Variants in SRCIN1 observed in about 807,000 individuals in gnomAD.
SRCIN1 encodes SRC kinase signaling inhibitor 1, also known as P130Cas-associated protein.
A neutral mutation model predicts 116.2 loss-of-function variants in SRCIN1; 50 were observed. That is an observed-to-expected ratio of 0.43 (90% CI 0.34 to 0.54). The LOEUF is 0.54. Ranked by LOEUF, SRCIN1 falls within the 20% of genes least tolerant of loss-of-function variation. SRCIN1 has a pLI of 0.02. For synonymous variants in SRCIN1, 736 were observed against 750.0 expected, an observed-to-expected ratio of 0.98 and a Z score of 0.30; for missense variants, 1,446 against 1,672.0, an observed-to-expected ratio of 0.86 and a Z score of 2.36.
At chr17:38,569,086 G>A (rs1906906749) in intron 2 of SRCIN1, among the ~76,000 whole-genome samples, 1 of 152,148 alleles carries the variant, frequency 6.6e-6, no homozygotes, top group Non-Finnish European at 1.5e-5. Flanking sequence ...AAGGGAGTTG[G>A]GGAGACTGGG....
intron 1 of SRCIN1, among the ~76,000 whole-genome samples, chr17:38,603,209 G>C (rs532889592): frequency 2.0e-5 from 3 of 152,182 alleles, no homozygotes; most frequent in African/African-American, 7.2e-5. Context: ...AGGGGGGAGA[G>C]GGGGAGAGAG....
chr17:38,576,101 G>C (rs1361447267), intron 2 of SRCIN1, among the ~76,000 whole-genome samples: 2 of 152,020 alleles, frequency 1.3e-5, no homozygotes, highest in African/African-American at 2.4e-5. Flanking sequence ...AACATAGGAG[G>C]CCCTTAGACA....
Position 38,563,266 on chromosome 17 carries a change from C to T in SRCIN1, c.740+57G>A. 1.9e-6 allele frequency: 3 copies of T among 1,543,598 alleles called. No homozygotes were observed. In the African/African-American group the frequency reaches 4.1e-5, roughly 21 times the overall value. ...GGGGAAGGGCCGGCGGGGTCCAGCA[C>T]CCTGCAGAGGAGGAGCGTGGGGAAG... On this transcript the variant is annotated intron_variant, in intron 5 of 18. Transcript: ENST00000617146. The surrounding 1 kb of genome is among the most constrained non-coding windows in gnomAD (Gnocchi z 5.8).
rs747619465 is a variant in SRCIN1 at position 38,561,732 on chromosome 17, C to T, written c.1431G>A (p.Lys477=). 1 of 1,522,450 alleles carries T rather than the reference C, an allele frequency of 6.6e-7. No homozygotes were observed. The highest frequency in any genetic ancestry group is 1.2e-5 in the South Asian group (1 of 82,858). The allele number at this position is 1,522,450 out of a possible 1,614,324, so 94.3% of individuals were successfully genotyped here. Residue 477 remains lysine (K), a synonymous_variant, in exon 7 of 19, where the codon AAG becomes AAA. Transcript: ENST00000617146. ...GFRLPPSSPQ[K]LADVAAPPGG... ...CGGGGGGTGCTGCCACGTCGGCCAG[C>T]TTCTGCGGTGACGAAGGCGGCAGGC...
intron 3 of SRCIN1, among the ~76,000 whole-genome samples, chr17:38,567,157 G>T (rs538019319): frequency 1.3e-5 from 2 of 152,084 alleles, no homozygotes; most frequent in Admixed American, 1.3e-4. Context: ...CATATGCCTC[G>T]GCCTCCGAAA....
chr17:38,568,094 C>T lies in SRCIN1; in HGVS notation c.345+117G>A. The T allele has an allele frequency of 1.5e-6, 2 of 1,303,168 alleles. No homozygotes were observed. The highest frequency in any genetic ancestry group is 2.4e-5 in the East Asian group (1 of 41,104). The allele number at this position is 1,303,168 out of a possible 1,614,324, so 80.7% of individuals were successfully genotyped here. A position where few individuals can be genotyped will look rare whatever the true frequency, so the allele number is the denominator to read the frequency against. On this transcript the variant is annotated intron_variant, in intron 3 of 18. Coordinates refer to ENST00000617146, the MANE Select transcript of SRCIN1 (RefSeq NM_025248.3). This position sits in a 1 kb window ranked among gnomAD's most constrained non-coding sequence, Gnocchi z 4.5. ...GCAGCCCCGAGGCCCACCGCCCATA[C>T]CAGAAGGTGTCCGTGCAGATGCGCA... is the stretch of plus-strand genomic sequence containing the variant.
At position 38,551,243 on chromosome 17, in the gene SRCIN1, C is replaced by T. The variant is rs369732094; in HGVS notation, c.2874G>A (p.Pro958=). ...LDCASKAHPG[P]APTPDHKPPK... is the part of the protein sequence containing the mutation. Reference sequence around the variant, plus strand: ...GGGGCTTGTGATCTGGAGTGGGGGCCGGGCCTGGATGGGCCTTGCTGGCAC... The same window carrying T: ...GGGGCTTGTGATCTGGAGTGGGGGCTGGGCCTGGATGGGCCTTGCTGGCAC... Residue 958 remains proline (P), a synonymous_variant, in exon 15 of 19, where the codon CCG becomes CCA. Transcript: ENST00000617146. The T allele has an allele frequency of 1.0e-4, 165 of 1,611,484 alleles. No homozygotes were observed. Among genetic ancestry groups the T allele is most frequent in the Non-Finnish European group, 1.2e-4 (142 of 1,178,886 alleles).
Position 38,585,191 on chromosome 17 carries a change from C to T in SRCIN1, c.23-6400G>A, listed in dbSNP as rs748775665. On this transcript the variant is annotated intron_variant, in intron 1 of 18. Transcript: ENST00000617146. This position sits in a 1 kb window ranked among gnomAD's most constrained non-coding sequence, Gnocchi z 4.2. ...ACTCACAAGCCCACAGGACATGGGG[C>T]TAGGCAGGGCAGCAGGAGAGGAGCA... Among the ~76,000 whole-genome samples, 1 of 152,208 alleles carries T rather than the reference C, an allele frequency of 6.6e-6. No homozygotes were observed. Among genetic ancestry groups the T allele is most frequent in the Non-Finnish European group, 1.5e-5 (1 of 68,032 alleles).
intron 1 of SRCIN1, among the ~76,000 whole-genome samples, chr17:38,595,125 A>G (rs1480142747): frequency 4.6e-5 from 7 of 152,034 alleles, no homozygotes; most frequent in Non-Finnish European, 1.0e-4. Flanking sequence ...TCAACACTTA[A>G]GCAAAGCATC....
rs1909222364 is a variant in SRCIN1, at chr17:38,604,184, C to T, written c.22+1500G>A. ...ATACCAAGAGTCGGGAAGAAGGTATCCTGACGACCCCCCAAAAGTGCTCAA... is the reference window on the plus strand; with the variant it reads ...ATACCAAGAGTCGGGAAGAAGGTATTCTGACGACCCCCCAAAAGTGCTCAA... On this transcript the variant is annotated intron_variant, in intron 1 of 18. Coordinates refer to ENST00000617146, the MANE Select transcript of SRCIN1 (RefSeq NM_025248.3). The surrounding 1 kb of genome is among the most constrained non-coding windows in gnomAD (Gnocchi z 4.3). Among the ~76,000 whole-genome samples the T allele has an allele frequency of 6.6e-6, 1 of 152,116 alleles. No homozygotes were observed. The highest frequency in any genetic ancestry group is 2.1e-4 in the South Asian group (1 of 4,818).
chr17:38,560,260 A>C, intron 8 of SRCIN1, 73 bp downstream of exon 8: 1 of 1,493,518 alleles, frequency 6.7e-7, no homozygotes, highest in Non-Finnish European at 9.1e-7. Flanking sequence ...ACACTGGCAG[A>C]GCCGATGCCC....
At position 38,598,636 on chromosome 17, in the gene SRCIN1, A is replaced by G. The variant is rs180820683; in HGVS notation, c.22+7048T>C. 6.1e-4 allele frequency among the ~76,000 whole-genome samples: 93 copies of G among 152,256 alleles called. 2 individuals are homozygous for G. The highest frequency in any genetic ancestry group is 1.9e-4 in the Non-Finnish European group (13 of 68,028). On this transcript the variant is annotated intron_variant, in intron 1 of 18. Transcript: ENST00000617146. Reference sequence around the variant, plus strand: ...AATGCGTGTGTTTGCACAGGTGAGGAAGGCAGGCATGAGAAAACCCAACTC... The same window carrying G: ...AATGCGTGTGTTTGCACAGGTGAGGGAGGCAGGCATGAGAAAACCCAACTC...
chr17:38,606,749 T>C (rs1295330799), upstream of SRCIN1, among the ~76,000 whole-genome samples: 1 of 152,102 alleles, frequency 6.6e-6, no homozygotes, highest in African/African-American at 2.4e-5. This position sits in a 1 kb window ranked among gnomAD's most constrained non-coding sequence, Gnocchi z 5.2. Context: ...CGTCCCACCT[T>C]CGTTGGCCTA....
intron 1 of SRCIN1, among the ~76,000 whole-genome samples, chr17:38,584,479 C>T (rs1055456623): frequency 2.6e-5 from 4 of 152,234 alleles, no homozygotes; most frequent in Admixed American, 6.5e-5. Context: ...GCCTGGGAAA[C>T]GCGGAAGGTG....
At chr17:38,584,528 C>T (rs550191331) in intron 1 of SRCIN1, among the ~76,000 whole-genome samples, 11 of 151,644 alleles carry the variant, frequency 7.3e-5, no homozygotes, top group East Asian at 1.9e-4. Flanking sequence ...AAGTGGCGGG[C>T]GCCCCCCAGT....
intron 11 of SRCIN1, among the ~76,000 whole-genome samples, chr17:38,555,489 G>A (rs1277515962): frequency 2.0e-5 from 3 of 152,096 alleles, no homozygotes; most frequent in Admixed American, 6.5e-5. Context: ...AGAAAGATAT[G>A]TTTATTACTT....
At chr17:38,578,370 T>C in intron 2 of SRCIN1, 120 bp downstream of exon 2, 5 of 1,276,810 alleles carry the variant, frequency 3.9e-6, no homozygotes, top group Non-Finnish European at 5.2e-6. Context: ...TTCTTCCCTC[T>C]CTGCTCCAGA....
intron 1 of SRCIN1, among the ~76,000 whole-genome samples, chr17:38,593,938 C>G (rs940668621): frequency 1.3e-5 from 2 of 152,266 alleles, no homozygotes; most frequent in African/African-American, 4.8e-5. Flanking sequence ...TTATTCCACT[C>G]TGGCTGGTAA....
chr17:38,570,027 C>T (rs761757987), intron 2 of SRCIN1, among the ~76,000 whole-genome samples: 32 of 152,116 alleles, frequency 2.1e-4, no homozygotes, highest in Non-Finnish European at 2.2e-4. Flanking sequence ...ACACCAGGCA[C>T]GGGCGGCGCA....
Sources: gnomAD v4.1 joint callset for allele counts (sites outside exome capture counted in the v4.1 genomes callset) on GRCh38, gnomAD v4.1.1 for gene constraint, Gnocchi (gnomAD v3.1) non-coding constraint, MANE v1.5 for transcripts, NCBI Gene and HGNC (gene_info 2026-07-23, HGNC 2026-07-21) for gene names.